Variants in RPN2 observed in about 807,000 individuals in gnomAD.
The protein encoded by RPN2 is dolichyl-diphosphooligosaccharide--protein glycosyltransferase subunit 2.
RPN2 carries 29 observed loss-of-function variants against 71.4 expected under a neutral mutation model. The observed-to-expected ratio is 0.41, with a 90% CI of 0.30 to 0.55. RPN2 has a LOEUF of 0.55. RPN2 is among the 20% of genes least tolerant of loss of function. RPN2 has a pLI of 0.35. For missense variants in RPN2, 726 were observed against 774.1 expected (o/e 0.94, Z 0.74); for synonymous variants, 308 against 305.0 (o/e 1.01, Z -0.10).
chr20:37,179,370 G>C lies in RPN2; in HGVS notation c.13+1G>C. ...CTGCTCGGAGGAATGGCGCCGCCGG[G>C]TGAGGAGTTGCGCGTGGCTTTGGGG... On this transcript the variant is annotated splice_donor_variant, in intron 1 of 16. Coordinates refer to ENST00000237530, the MANE Select transcript of RPN2 (RefSeq NM_002951.5). LOFTEE classifies it high-confidence loss of function. 6.5e-7 allele frequency: 1 copy of C among 1,531,386 alleles called. No individual in the cohort carries two copies. The highest frequency in any genetic ancestry group is 8.8e-7 in the Non-Finnish European group (1 of 1,138,190). 94.9% of individuals were successfully genotyped at this position (1,531,386 alleles called of 1,614,324 possible). A position where few individuals can be genotyped will look rare whatever the true frequency, so the allele number is the denominator to read the frequency against.
intron 16 of RPN2, chr20:37,238,656 G>A (rs1430178511): frequency 2.7e-6 from 2 of 738,880 alleles, no homozygotes; most frequent in Admixed American, 3.5e-5. Flanking sequence ...TAGCCCAGCT[G>A]ATGGGATAAC....
chr20:37,223,635 C>CTTTT (rs11482722), intron 9 of RPN2, among the ~76,000 whole-genome samples: 1 of 142,834 alleles, frequency 7.0e-6, no homozygotes, highest in Non-Finnish European at 1.5e-5. Flanking sequence ...TTTTCTTCTT[C>CTTTT]TTTTTTTTTT....
At chr20:37,215,026 CTA>C (rs1227304078) in intron 9 of RPN2, among the ~76,000 whole-genome samples, 2 of 152,080 alleles carry the variant, frequency 1.3e-5, no homozygotes, top group Admixed American at 6.6e-5. Context: ...TTATTTATAA[CTA>C]TCATAATTCT....
At chr20:37,224,122 C>T (rs2068022315) in intron 10 of RPN2, among the ~76,000 whole-genome samples, 153 bp downstream of exon 10, 1 of 152,206 alleles carries the variant, frequency 6.6e-6, no homozygotes, top group African/African-American at 2.4e-5. Flanking sequence ...ACTGGTCCTG[C>T]ACCGGGGATT....
At chr20:37,237,862 C>T (rs577175543) in intron 16 of RPN2, among the ~76,000 whole-genome samples, 1 of 152,238 alleles carries the variant, frequency 6.6e-6, no homozygotes, top group Admixed American at 6.5e-5. Context: ...GACTGCTCTG[C>T]TAAGTTCTCT....
At chr20:37,181,140 A>T (rs958709268) in intron 1 of RPN2, among the ~76,000 whole-genome samples, 3 of 151,952 alleles carry the variant, frequency 2.0e-5, no homozygotes, top group African/African-American at 7.3e-5. Flanking sequence ...GAGGCAGGAG[A>T]ATCGCTTGAA....
intron 2 of RPN2, among the ~76,000 whole-genome samples, chr20:37,193,450 G>C (rs564350684): frequency 6.6e-6 from 1 of 152,280 alleles, no homozygotes; most frequent in Admixed American, 6.5e-5. Flanking sequence ...GGGAGGGAGG[G>C]AGAGGAGTGA....
intron 2 of RPN2, among the ~76,000 whole-genome samples, chr20:37,189,477 A>G (rs1436696301): frequency 6.6e-6 from 1 of 152,138 alleles, no homozygotes; most frequent in Non-Finnish European, 1.5e-5. Flanking sequence ...CTTTACAGAA[A>G]AAGTTTGCTA....
intron 2 of RPN2, among the ~76,000 whole-genome samples, chr20:37,197,648 C>T (rs1421783133): frequency 2.0e-5 from 3 of 151,964 alleles, no homozygotes; most frequent in East Asian, 3.8e-4. Flanking sequence ...GCTCTGTCTC[C>T]CAGACTGGAG....
intron 9 of RPN2, 21 bp from the exon 10 acceptor site, chr20:37,223,857 G>C (rs1328501234): frequency 1.9e-6 from 3 of 1,607,288 alleles, no homozygotes; most frequent in Non-Finnish European, 2.6e-6. Context: ...CCTGGCAACT[G>C]TCTTCTCTAT....
intron 16 of RPN2, chr20:37,238,583 T>C: frequency 2.7e-6 from 2 of 740,092 alleles, no homozygotes; most frequent in East Asian, 5.3e-5. Flanking sequence ...AGCTGAATTC[T>C]GAGGCTGCTT....
intron 2 of RPN2, among the ~76,000 whole-genome samples, chr20:37,198,188 T>G (rs557224538): frequency 4.6e-5 from 7 of 152,242 alleles, no homozygotes; most frequent in Non-Finnish European, 8.8e-5. Context: ...TCGGAAGGAC[T>G]CAAGCGCCTT....
At chr20:37,182,220 A>G (rs2066900595) in intron 1 of RPN2, among the ~76,000 whole-genome samples, 1 of 151,876 alleles carries the variant, frequency 6.6e-6, no homozygotes, top group South Asian at 2.1e-4. Context: ...CAGCCTCCCA[A>G]GTAGTTTGGA....
intron 1 of RPN2, among the ~76,000 whole-genome samples, chr20:37,183,680 A>C (rs1049871373): frequency 7.2e-5 from 11 of 152,204 alleles, no homozygotes; most frequent in African/African-American, 2.4e-4. Flanking sequence ...GTACTGGGGA[A>C]CTAATCCTAG....
chr20:37,216,721 C>T (rs1335938169), intron 9 of RPN2, among the ~76,000 whole-genome samples: 4 of 152,136 alleles, frequency 2.6e-5, no homozygotes, highest in East Asian at 3.9e-4. Context: ...TTTGGCCCAC[C>T]GACGTGTTGG....
chr20:37,182,825 A>T (rs2066916925), intron 1 of RPN2, among the ~76,000 whole-genome samples: 1 of 152,250 alleles, frequency 6.6e-6, no homozygotes, highest in African/African-American at 2.4e-5. Context: ...AATGCACTTT[A>T]TCAAGAAGCA....
At chr20:37,184,514 C>T in intron 2 of RPN2, 141 bp downstream of exon 2, 1 of 848,714 alleles carries the variant, frequency 1.2e-6, no homozygotes, top group Non-Finnish European at 1.9e-6. Flanking sequence ...AATATTTGGC[C>T]AGGCGTGGTG....
At chr20:37,203,727 T>G (rs1408835023) in intron 4 of RPN2, among the ~76,000 whole-genome samples, 158 bp from the exon 5 acceptor site, 1 of 152,226 alleles carries the variant, frequency 6.6e-6, no homozygotes, top group Non-Finnish European at 1.5e-5. Flanking sequence ...GTCACATCTG[T>G]CCTAACTGGA....
chr20:37,198,027 G>A (rs7268848), intron 2 of RPN2, among the ~76,000 whole-genome samples: 124,599 of 152,180 alleles, frequency 0.82, 51,708 homozygotes, highest in Middle Eastern at 0.93. Flanking sequence ...TGCCAATTTG[G>A]AGCCCCAGTT....
Sources: allele counts gnomAD v4.1 joint callset (sites outside exome capture counted in the v4.1 genomes callset), GRCh38; gene constraint gnomAD v4.1.1; transcripts MANE v1.5; gene names NCBI Gene and HGNC (gene_info 2026-07-23, HGNC 2026-07-21).